MTRR: variants seen among roughly 807,000 people sequenced by gnomAD.
MTRR encodes the protein methionine synthase reductase.
Under a neutral mutation model 79.2 loss-of-function variants are expected in MTRR, and 63 were observed. That is an observed-to-expected ratio of 0.80 (90% CI 0.65 to 0.98). MTRR has a LOEUF of 0.98. Ranked by LOEUF, MTRR falls within the 50% of genes least tolerant of loss-of-function variation. The pLI, the probability that MTRR is intolerant of heterozygous loss-of-function variation, is 0.00. For synonymous variants in MTRR, 355 were observed against 313.3 expected (o/e 1.13, Z -1.41); for missense variants, 895 against 839.6 (o/e 1.07, Z -0.82).
chr5:7,868,991 G>C (rs747091451), upstream of MTRR: 4 of 944,530 alleles, frequency 4.2e-6, no homozygotes, highest in Non-Finnish European at 6.8e-6. Context: ...CGCTCTGCCG[G>C]GCAATCACTC....
chr5:7,854,003 G>A (rs190841952), intron 1 of MTRR, among the ~76,000 whole-genome samples: 104 of 152,224 alleles, frequency 6.8e-4, no homozygotes, highest in African/African-American at 2.4e-3. Flanking sequence ...TGAAACCATG[G>A]GCAAGGCAGA....
intron 8 of MTRR, among the ~76,000 whole-genome samples, chr5:7,887,813 T>C (rs1164887255): frequency 1.9e-4 from 8 of 41,842 alleles, no homozygotes; most frequent in African/African-American, 5.7e-4. Flanking sequence ...TATATATATA[T>C]ATATATATAT....
At chr5:7,890,087 C>G (rs1579766529) in intron 9 of MTRR, among the ~76,000 whole-genome samples, 1 of 152,190 alleles carries the variant, frequency 6.6e-6, no homozygotes, top group Non-Finnish European at 1.5e-5. Flanking sequence ...TTGTCATCTC[C>G]TTTCCCATAG....
intron 12 of MTRR, chr5:7,896,616 T>A: frequency 1.8e-6 from 1 of 559,518 alleles, no homozygotes; most frequent in Non-Finnish European, 3.2e-6. Flanking sequence ...AGTGTGATAC[T>A]TTGAATTGTC....
chr5:7,872,967 C>T (rs142985494), intron 2 of MTRR, among the ~76,000 whole-genome samples: 17 of 152,236 alleles, frequency 1.1e-4, no homozygotes, highest in Non-Finnish European at 2.4e-4. Flanking sequence ...GATTTGAGCT[C>T]ATGTTAATGT....
intron 2 of MTRR, among the ~76,000 whole-genome samples, chr5:7,873,100 T>C (rs1690872028): frequency 1.3e-5 from 2 of 152,154 alleles, no homozygotes. Flanking sequence ...TCCCTGCCTT[T>C]CGTACACAAC....
intron 1 of MTRR, among the ~76,000 whole-genome samples, chr5:7,853,359 C>T (rs1382136871): frequency 6.6e-6 from 1 of 152,202 alleles, no homozygotes; most frequent in Admixed American, 6.5e-5. Context: ...GAGGCCACCC[C>T]AGCCATACTG....
upstream of MTRR, chr5:7,867,796 A>G (rs1229981997): frequency 3.1e-6 from 5 of 1,614,178 alleles, no homozygotes; most frequent in Admixed American, 1.7e-5. Context: ...GACTCTCCTC[A>G]TTTTTAACAT....
intron 3 of MTRR, among the ~76,000 whole-genome samples, chr5:7,874,898 C>T (rs1579630360): frequency 6.6e-6 from 1 of 152,286 alleles, no homozygotes; most frequent in East Asian, 1.9e-4. Context: ...CTGACCCCTG[C>T]TCAGTATCAG....
At position 7,896,873 on chromosome 5, in the gene MTRR, C is replaced by T. The variant is rs909879819; in HGVS notation, c.1686C>T (p.Leu562=). Residue 562 remains leucine (L), a synonymous_variant, in exon 13 of 15, where the codon CTC becomes CTT. Transcript: ENST00000440940. The stretch of plus-strand genomic sequence containing the variant: ...TTTTTTTTCCACTTAGAGAGAAACT[C>T]CAAGAACAACACCCAGATGGAAATT... ...FIGFLQHREK[L]QEQHPDGNFG... 2.5e-6 allele frequency: 4 copies of T among 1,613,814 alleles called. No homozygotes were observed. Among genetic ancestry groups the T allele is most frequent in the Non-Finnish European group, 3.4e-6 (4 of 1,179,932 alleles).
At chr5:7,857,867 A>G (rs989960250) in intron 1 of MTRR, among the ~76,000 whole-genome samples, 5 of 152,162 alleles carry the variant, frequency 3.3e-5, no homozygotes, top group African/African-American at 1.2e-4. Flanking sequence ...AAAACTGCAG[A>G]AGGAGGAGCA....
chr5:7,869,298 G>T, intron 1 of MTRR, 83 bp downstream of exon 1: 1 of 1,546,656 alleles, frequency 6.5e-7, no homozygotes, highest in Non-Finnish European at 8.8e-7. Flanking sequence ...CCGGGGCGGG[G>T]GTGGGCAGCC....
intron 4 of MTRR, 122 bp downstream of exon 4, chr5:7,875,497 T>G (rs1748721869): frequency 2.2e-6 from 2 of 929,426 alleles, no homozygotes; most frequent in Admixed American, 3.5e-5. Context: ...TTTTGTTCGC[T>G]TTTTTAGCTT....
chr5:7,852,385 TTATTTA>T (rs1746101397), intron 1 of MTRR, among the ~76,000 whole-genome samples: 1 of 152,256 alleles, frequency 6.6e-6, no homozygotes, highest in Admixed American at 6.5e-5. Context: ...CTCTCTCTTT[TTATTTA>T]TATCTGTCTC....
chr5:7,872,294 G>C, intron 2 of MTRR: 1 of 441,846 alleles, frequency 2.3e-6, no homozygotes, highest in South Asian at 1.6e-5. Flanking sequence ...TAAAGCTTGT[G>C]GAGTCTTACA....
rs115096868 is a variant in MTRR, at chr5:7,881,320, G to A, written c.781-1835G>A. 3.8e-3 allele frequency among the ~76,000 whole-genome samples: 581 copies of A among 152,102 alleles called. 4 individuals are homozygous for A. Among genetic ancestry groups the A allele is most frequent in the African/African-American group, 0.013 (526 of 41,508 alleles). ...TAGCTAGCCCAGTGCTTTAGTGGCC[G>A]AGTGTGTCGCAACAACCCCAGTTAT... On this transcript the variant is annotated intron_variant, in intron 5 of 14. Transcript: ENST00000440940.
Position 7,877,925 on chromosome 5 carries a change from GTTTGT to G in MTRR, c.402-15_402-11del. On this transcript the variant is annotated splice_polypyrimidine_tract_variant and intron_variant, in intron 4 of 14. Transcript: ENST00000440940. The stretch of plus-strand genomic sequence containing the variant: ...AACTTAGGCATTTGTTTTGTTTTTC[GTTTGT>G]TTTTACTGTCCAGTTTAGAACTTGT... 6.2e-7 allele frequency: 1 copy of G among 1,610,336 alleles called. No individual in the cohort carries two copies. Among genetic ancestry groups the G allele is most frequent in the Non-Finnish European group, 8.5e-7 (1 of 1,179,934 alleles).
intron 10 of MTRR, among the ~76,000 whole-genome samples, chr5:7,892,140 T>C (rs1737715780): frequency 6.6e-6 from 1 of 152,200 alleles, no homozygotes. Context: ...CCCGTCTGGC[T>C]CTCTGTTTTG....
upstream of MTRR, chr5:7,866,885 G>C: frequency 6.2e-7 from 1 of 1,614,032 alleles, no homozygotes; most frequent in Non-Finnish European, 8.5e-7. Flanking sequence ...AAATTTTTCT[G>C]TTTGGCAAAC....
Sources: gnomAD v4.1 joint callset for allele counts (sites outside exome capture counted in the v4.1 genomes callset) on GRCh38, gnomAD v4.1.1 for gene constraint, MANE v1.5 for transcripts, NCBI Gene and HGNC (gene_info 2026-07-23, HGNC 2026-07-21) for gene names.